NFIB: variants seen among roughly 807,000 people sequenced by gnomAD.
NFIB encodes nuclear factor I B.
NFIB carries 11 observed loss-of-function variants against 61.5 expected under a neutral mutation model. The ratio of observed to expected loss-of-function variants is 0.18; its 90% CI spans 0.11 to 0.30. The LOEUF is 0.30. Ranked by LOEUF, NFIB falls within the 10% of genes least tolerant of loss-of-function variation. NFIB has a pLI of 1.00. For synonymous variants in NFIB, 260 were observed against 216.5 expected, an observed-to-expected ratio of 1.20 and a Z score of -1.76; for missense variants, 471 against 608.9, an observed-to-expected ratio of 0.77 and a Z score of 2.38.
At chr9:14,347,415 G>A (rs1337763151) in intron 1 of NFIB, 1 of 152,526 alleles carries the variant, frequency 6.6e-6, no homozygotes, top group African/African-American at 2.4e-5. Context: ...GGAGGGGGAA[G>A]AGGGACTCCT....
At chr9:14,282,888 G>C (rs1346540431) in intron 2 of NFIB, among the ~76,000 whole-genome samples, 2 of 152,122 alleles carry the variant, frequency 1.3e-5, no homozygotes, top group African/African-American at 2.4e-5. Flanking sequence ...CTCTCTCTTT[G>C]TCTGAGAACT....
At chr9:14,476,685 G>C in the NFIB span, among the ~76,000 whole-genome samples, 1 of 152,136 alleles carries the variant, frequency 6.6e-6, no homozygotes, top group Non-Finnish European at 1.5e-5. Context: ...ACATTGAGAA[G>C]TTAAGCTTTC....
chr9:14,509,028 A>G, the NFIB span, among the ~76,000 whole-genome samples: 2 of 152,226 alleles, frequency 1.3e-5, no homozygotes, highest in African/African-American at 4.8e-5. Context: ...GAAATGGAAT[A>G]CATTCTGTTT....
chr9:14,266,227 T>C (rs1445591898), intron 2 of NFIB, among the ~76,000 whole-genome samples: 1 of 152,116 alleles, frequency 6.6e-6, no homozygotes, highest in Non-Finnish European at 1.5e-5. Flanking sequence ...ACCATTCCCT[T>C]ATGCTCAAAC....
intron 2 of NFIB, among the ~76,000 whole-genome samples, chr9:14,259,736 A>G (rs1337778381): frequency 6.6e-6 from 1 of 151,610 alleles, no homozygotes; most frequent in Non-Finnish European, 1.5e-5. Flanking sequence ...TCCTGTCTCT[A>G]CTAAAAATAC....
chr9:14,461,876 C>T, the NFIB span, among the ~76,000 whole-genome samples: 1 of 152,278 alleles, frequency 6.6e-6, no homozygotes. Flanking sequence ...ATGGTATCTT[C>T]CTGAAGAGTC....
At chr9:14,302,523 T>C (rs1296465227) in intron 2 of NFIB, among the ~76,000 whole-genome samples, 1 of 152,202 alleles carries the variant, frequency 6.6e-6, no homozygotes, top group Admixed American at 6.5e-5. Flanking sequence ...AGGATAGCAA[T>C]GAGGTTTCTG....
intron 2 of NFIB, among the ~76,000 whole-genome samples, chr9:14,243,122 T>C (rs962112565): frequency 6.6e-6 from 1 of 152,150 alleles, no homozygotes; most frequent in Non-Finnish European, 1.5e-5. Context: ...TTTGAGAACA[T>C]TTTAGTCATC....
intron 2 of NFIB, among the ~76,000 whole-genome samples, chr9:14,220,339 G>A (rs1221209047): frequency 1.3e-5 from 2 of 152,204 alleles, no homozygotes; most frequent in African/African-American, 2.4e-5. Flanking sequence ...CCTATCTGAA[G>A]CTATTTTAAA....
the NFIB span, among the ~76,000 whole-genome samples, chr9:14,473,808 T>G: frequency 6.6e-6 from 1 of 152,226 alleles, no homozygotes; most frequent in Non-Finnish European, 1.5e-5. Context: ...TCTCCACTTT[T>G]GCTGAAAAAC....
the NFIB span, among the ~76,000 whole-genome samples, chr9:14,475,134 G>A: frequency 6.6e-6 from 1 of 152,152 alleles, no homozygotes; most frequent in Non-Finnish European, 1.5e-5. Context: ...CCACAACAGT[G>A]CCCAACAGCT....
In NFIB at chr9:14,254,828, T is replaced by C. The variant is rs534846903; in HGVS notation, c.562+52161A>G. Among the ~76,000 whole-genome samples the C allele has an allele frequency of 2.6e-5, 4 of 152,322 alleles. No individual in the cohort carries two copies. In the South Asian group the frequency reaches 8.3e-4, roughly 32 times the overall value. ...GTGAATCTATGCATGTGCATATATG[T>C]GCATTTACAAGCAAGGTCTAGAGGC... On this transcript the variant is annotated intron_variant, in intron 2 of 10. Coordinates refer to ENST00000380953, the MANE Select transcript of NFIB (RefSeq NM_001190737.2).
At position 14,325,967 on chromosome 9, in the gene NFIB, AT is replaced by A. The variant is rs529385054; in HGVS notation, c.109-18448del. Reference sequence around the variant, plus strand: ...TTAATATAAATTTGGAAAGATTCATATTTTTTATTGCCTCAGGCAATAGTTT... The same window carrying A: ...TTAATATAAATTTGGAAAGATTCATATTTTTATTGCCTCAGGCAATAGTTT... On this transcript the variant is annotated intron_variant, in intron 1 of 8. Transcript: ENST00000380934. 2.1e-3 allele frequency among the ~76,000 whole-genome samples: 317 copies of A among 152,298 alleles called. 1 individual carries two copies. Among genetic ancestry groups the A allele is most frequent in the African/African-American group, 7.3e-3 (303 of 41,582 alleles).
chr9:14,518,219 G>A, the NFIB span, among the ~76,000 whole-genome samples: 1 of 152,160 alleles, frequency 6.6e-6, no homozygotes, highest in African/African-American at 2.4e-5. Context: ...TTCTATAGAG[G>A]CTAGCGACTT....
chr9:14,084,568 C>A lies in NFIB; in HGVS notation c.*3741G>T. Reference sequence around the variant, plus strand: ...TGCTCACGTCACTCCAGGGGTAACACGCTTCAGAGGCACTGTGAGTGGTGG... The same window carrying A: ...TGCTCACGTCACTCCAGGGGTAACAAGCTTCAGAGGCACTGTGAGTGGTGG... On this transcript the variant is annotated 3_prime_UTR_variant, in exon 11 of 11. Coordinates refer to ENST00000380953, the MANE Select transcript of NFIB (RefSeq NM_001190737.2). 4.4e-6 allele frequency: 1 copy of A among 227,850 alleles called. No individual in the cohort carries two copies. Among genetic ancestry groups the A allele is most frequent in the Non-Finnish European group, 8.7e-6 (1 of 114,388 alleles). 14.1% of individuals were successfully genotyped at this position (227,850 alleles called of 1,614,324 possible). A position where few individuals can be genotyped will look rare whatever the true frequency, so the allele number is the denominator to read the frequency against.
At chr9:14,484,568 A>G in the NFIB span, among the ~76,000 whole-genome samples, 2 of 152,254 alleles carry the variant, frequency 1.3e-5, no homozygotes, top group East Asian at 3.8e-4. Flanking sequence ...AAATAAATAT[A>G]GCAATACAAA....
intron 4 of NFIB, among the ~76,000 whole-genome samples, 181 bp from the exon 5 acceptor site, chr9:14,150,446 C>T (rs1270923463): frequency 6.6e-6 from 1 of 152,122 alleles, no homozygotes; most frequent in African/African-American, 2.4e-5. Context: ...ACCTTAGCAA[C>T]GTTCAAGCTT....
intron 10 of NFIB, among the ~76,000 whole-genome samples, chr9:14,103,743 T>C (rs2036115887): frequency 6.6e-6 from 1 of 152,092 alleles, no homozygotes; most frequent in Non-Finnish European, 1.5e-5. Context: ...CCACGTGTTT[T>C]AGTTATTTGC....
At chr9:14,459,517 G>A in the NFIB span, among the ~76,000 whole-genome samples, 313 of 152,150 alleles carry the variant, frequency 2.1e-3, no homozygotes, top group African/African-American at 6.8e-3. Context: ...ATTGACAAAC[G>A]GGATCTAATT....
Sources: gnomAD v4.1 joint callset for allele counts (sites outside exome capture counted in the v4.1 genomes callset) on GRCh38, gnomAD v4.1.1 for gene constraint, MANE v1.5 for transcripts, NCBI Gene and HGNC (gene_info 2026-07-23, HGNC 2026-07-21) for gene names.